SGPP1: variants seen among roughly 807,000 people sequenced by gnomAD.
The protein encoded by SGPP1 is sphingosine-1-phosphate phosphatase 1, also known as hSPP1.
A neutral mutation model predicts 33.0 loss-of-function variants in SGPP1; 21 were observed. The observed-to-expected ratio is 0.64, with a 90% CI of 0.45 to 0.92. The LOEUF is 0.92. SGPP1 is among the 40% of genes least tolerant of loss of function. SGPP1 has a pLI of 0.00. For missense variants in SGPP1, 543 were observed against 589.4 expected, an observed-to-expected ratio of 0.92 and a Z score of 0.81; for synonymous variants, 239 against 241.2, an observed-to-expected ratio of 0.99 and a Z score of 0.08.
rs189356490 is a variant in SGPP1, at chr14:63,715,235, G to A, written c.684+12026C>T. Among the ~76,000 whole-genome samples the A allele has an allele frequency of 1.7e-4, 25 of 151,378 alleles. No homozygotes were observed. In the East Asian group the frequency reaches 4.5e-3, roughly 27 times the overall value. On this transcript the variant is annotated intron_variant, in intron 1 of 2. Coordinates refer to ENST00000247225, the MANE Select transcript of SGPP1 (RefSeq NM_030791.4). Reference sequence around the variant, plus strand: ...TCACCACGTTGGCCAGGCTGGTCTCGAACTCCTGACCTCAGGTGATCCACC... The same window carrying A: ...TCACCACGTTGGCCAGGCTGGTCTCAAACTCCTGACCTCAGGTGATCCACC...
rs1344917224 is a variant in SGPP1, at chr14:63,684,278, AAAT to A, written c.*1824_*1826del. Reference sequence around the variant, plus strand: ...TAGCATAGAACTGTCATAGGACAGAAAATAATAAAACACAAATGGAACATTTTC... The same window carrying A: ...TAGCATAGAACTGTCATAGGACAGAAAATAAAACACAAATGGAACATTTTC... On this transcript the variant is annotated 3_prime_UTR_variant, in exon 3 of 3. Transcript: ENST00000247225. 1 of 152,162 alleles carries A rather than the reference AAAT, an allele frequency of 6.6e-6. No individual in the cohort carries two copies. Among genetic ancestry groups the A allele is most frequent in the Non-Finnish European group, 1.5e-5 (1 of 67,970 alleles). The allele number at this position is 152,162 out of a possible 1,614,324, so 9.4% of individuals were successfully genotyped here. A position where few individuals can be genotyped will look rare whatever the true frequency, so the allele number is the denominator to read the frequency against.
intron 1 of SGPP1, among the ~76,000 whole-genome samples, chr14:63,700,569 G>C (rs1270693067): frequency 1.3e-5 from 2 of 152,004 alleles, no homozygotes; most frequent in Non-Finnish European, 2.9e-5. Context: ...ATTCTTGCTG[G>C]AGGAGGCATT....
intron 1 of SGPP1, among the ~76,000 whole-genome samples, chr14:63,702,406 T>A (rs1005110270): frequency 6.6e-6 from 1 of 151,980 alleles, no homozygotes; most frequent in African/African-American, 2.4e-5. Context: ...GATTTTTTTA[T>A]GGAAAAAAAA....
rs2139660183 is a variant in SGPP1, at chr14:63,728,065, C to G, written c.-121G>C. 9.2e-7 allele frequency: 1 copy of G among 1,081,278 alleles called. No homozygotes were observed. Among genetic ancestry groups the G allele is most frequent in the East Asian group, 3.5e-5 (1 of 28,622 alleles). 67.0% of individuals were successfully genotyped at this position (1,081,278 alleles called of 1,614,324 possible). ...CTACCCTCCGGAGTCTGCCGGGTGACGGCGCCACAGGCCGCGCGCCCCCGC... is the reference window on the plus strand; with the variant it reads ...CTACCCTCCGGAGTCTGCCGGGTGAGGGCGCCACAGGCCGCGCGCCCCCGC... On this transcript the variant is annotated 5_prime_UTR_variant, in exon 1 of 3. Transcript: ENST00000247225.
chr14:63,686,698 A>G (rs1472799925), intron 2 of SGPP1, 42 bp from the exon 3 acceptor site: 2 of 1,345,626 alleles, frequency 1.5e-6, no homozygotes, highest in African/African-American at 3.0e-5. Context: ...ATAATACTGA[A>G]TATTTTTGGC....
chr14:63,701,120 A>G (rs1182059009), intron 1 of SGPP1, among the ~76,000 whole-genome samples: 1 of 152,102 alleles, frequency 6.6e-6, no homozygotes, highest in Non-Finnish European at 1.5e-5. Flanking sequence ...AGCTGGGACT[A>G]GAGGTGTGCC....
chr14:63,693,482 A>G (rs946916352), intron 2 of SGPP1, among the ~76,000 whole-genome samples: 1 of 152,264 alleles, frequency 6.6e-6, no homozygotes, highest in African/African-American at 2.4e-5. Context: ...TACTTTTCAC[A>G]TAGAATTTAT....
At chr14:63,721,009 A>C (rs1210145559) in intron 1 of SGPP1, among the ~76,000 whole-genome samples, 2 of 152,166 alleles carry the variant, frequency 1.3e-5, no homozygotes, top group Non-Finnish European at 2.9e-5. Flanking sequence ...CAGCCTCCCA[A>C]GTAGTTGGGA....
intron 2 of SGPP1, among the ~76,000 whole-genome samples, chr14:63,689,386 A>G (rs1180857862): frequency 1.3e-5 from 2 of 152,146 alleles, no homozygotes; most frequent in Non-Finnish European, 2.9e-5. Flanking sequence ...TCCTGGGCTC[A>G]AGTGATCCAC....
chr14:63,727,274 T>G lies in SGPP1; in HGVS notation c.671A>C (p.Tyr224Ser). 1.2e-6 allele frequency: 2 copies of G among 1,611,196 alleles called. No individual in the cohort carries two copies. The highest frequency in any genetic ancestry group is 1.7e-6 in the Non-Finnish European group (2 of 1,178,120). The change falls in exon 1 of 3, where the codon TAT (tyrosine) becomes TCT (serine). Residue 224 changes from tyrosine to serine, a missense_variant. Coordinates refer to ENST00000247225, the MANE Select transcript of SGPP1 (RefSeq NM_030791.4). Reference sequence around the variant, plus strand: ...AAGGAACCCTACCTGCCAGCGGCCATAGGTGAGGAGGACCATAGAAATGGG... The same window carrying G: ...AAGGAACCCTACCTGCCAGCGGCCAGAGGTGAGGAGGACCATAGAAATGGG... ...AIPISMVLLT[Y>S]GRWQYPLIYG... is the part of the protein sequence containing the mutation.
intron 2 of SGPP1, among the ~76,000 whole-genome samples, chr14:63,698,243 C>T (rs375273506): frequency 3.3e-5 from 5 of 152,130 alleles, no homozygotes; most frequent in Non-Finnish European, 5.9e-5. Context: ...GTTTCTGTAG[C>T]CACATTGCTG....
intron 1 of SGPP1, among the ~76,000 whole-genome samples, chr14:63,707,576 C>T (rs1433402357): frequency 2.7e-5 from 4 of 149,736 alleles, no homozygotes; most frequent in African/African-American, 9.9e-5. Context: ...TCTCTTGTTG[C>T]CCAGGCTGGA....
intron 1 of SGPP1, among the ~76,000 whole-genome samples, chr14:63,712,241 C>T (rs1885537760): frequency 1.3e-5 from 2 of 151,978 alleles, no homozygotes; most frequent in South Asian, 2.1e-4. Context: ...ACTTATCTTG[C>T]TTGTTCTCTT....
chr14:63,727,816 C>T lies in SGPP1; in HGVS notation c.129G>A (p.Glu43=). 6.6e-7 allele frequency: 1 copy of T among 1,508,288 alleles called. No individual in the cohort carries two copies. The highest frequency in any genetic ancestry group is 8.8e-7 in the Non-Finnish European group (1 of 1,134,746). The allele number at this position is 1,508,288 out of a possible 1,614,324, so 93.4% of individuals were successfully genotyped here. A position where few individuals can be genotyped will look rare whatever the true frequency, so the allele number is the denominator to read the frequency against. ...PRRSADRRED[E]KAEAPLAGDP... ...CTCCGGCGAGAGGCGCCTCCGCTTTCTCATCCTCCCTCCGGTCTGCTGAGC... is the reference window on the plus strand; with the variant it reads ...CTCCGGCGAGAGGCGCCTCCGCTTTTTCATCCTCCCTCCGGTCTGCTGAGC... The change falls in exon 1 of 3, where the codon GAG becomes GAA. Residue 43 remains glutamate (E), a synonymous_variant. Transcript: ENST00000247225.
intron 1 of SGPP1, among the ~76,000 whole-genome samples, chr14:63,721,388 G>A (rs1439546471): frequency 1.3e-5 from 2 of 151,718 alleles, no homozygotes; most frequent in Admixed American, 6.6e-5. Flanking sequence ...AGGTTGTAGT[G>A]AGCCACGATC....
At chr14:63,697,999 A>G (rs968826042) in intron 2 of SGPP1, among the ~76,000 whole-genome samples, 5 of 152,208 alleles carry the variant, frequency 3.3e-5, no homozygotes, top group Non-Finnish European at 7.4e-5. Flanking sequence ...CAATAGGGAT[A>G]GCGAGGAGGG....
At chr14:63,692,969 T>C (rs1389967262) in intron 2 of SGPP1, among the ~76,000 whole-genome samples, 2 of 152,200 alleles carry the variant, frequency 1.3e-5, no homozygotes, top group Non-Finnish European at 2.9e-5. Context: ...AGGATCTCAC[T>C]GTATGGCCAT....
intron 1 of SGPP1, among the ~76,000 whole-genome samples, chr14:63,722,372 A>G (rs1377156551): frequency 1.3e-5 from 2 of 150,338 alleles, no homozygotes; most frequent in Admixed American, 1.3e-4. Context: ...AAAAAAAAAA[A>G]AAAAAAAAAT....
At chr14:63,726,936 T>C (rs1885893414) in intron 1 of SGPP1, among the ~76,000 whole-genome samples, 1 of 152,196 alleles carries the variant, frequency 6.6e-6, no homozygotes, top group South Asian at 2.1e-4. Flanking sequence ...TCACTTCCAC[T>C]GTGCATTACA....
Sources: allele counts gnomAD v4.1 joint callset (sites outside exome capture counted in the v4.1 genomes callset), GRCh38; gene constraint gnomAD v4.1.1; transcripts MANE v1.5; gene names NCBI Gene and HGNC (gene_info 2026-07-23, HGNC 2026-07-21).